Variants in FAM227B observed in about 807,000 individuals in gnomAD.
The protein encoded by FAM227B is protein FAM227B.
A neutral mutation model predicts 73.8 loss-of-function variants in FAM227B; 88 were observed. That is an observed-to-expected ratio of 1.19 (90% confidence interval 1.00 to 1.42). The LOEUF is 1.42. Ranked by LOEUF, FAM227B falls within the 40% of genes most tolerant of loss-of-function variation. The pLI, the probability that FAM227B is intolerant of heterozygous loss-of-function variation, is 0.00. For synonymous variants in FAM227B, 210 were observed against 190.5 expected, an observed-to-expected ratio of 1.10 and a Z score of -0.84; for missense variants, 632 against 590.9, an observed-to-expected ratio of 1.07 and a Z score of -0.72.
chr15:49,505,349 C>A (rs549091796), intron 11 of FAM227B, among the ~76,000 whole-genome samples: 2 of 152,110 alleles, frequency 1.3e-5, no homozygotes, highest in African/African-American at 4.8e-5. Context: ...TTTATACATA[C>A]GTCAAAACTC....
intron 11 of FAM227B, among the ~76,000 whole-genome samples, chr15:49,459,874 G>A (rs1019823494): frequency 6.6e-5 from 10 of 152,090 alleles, no homozygotes; most frequent in African/African-American, 2.4e-4. Flanking sequence ...CATAAAACTG[G>A]CCATGGTGGA....
intron 11 of FAM227B, among the ~76,000 whole-genome samples, chr15:49,373,855 A>T (rs1459151933): frequency 2.0e-5 from 3 of 152,186 alleles, no homozygotes; most frequent in Non-Finnish European, 4.4e-5. Context: ...CTATACAAAC[A>T]GAAAAAGTAT....
At chr15:49,374,840 G>A (rs1017305713) in intron 11 of FAM227B, among the ~76,000 whole-genome samples, 15 of 152,172 alleles carry the variant, frequency 9.9e-5, no homozygotes, top group Non-Finnish European at 1.5e-4. Flanking sequence ...CACCATGCCC[G>A]GCCTCATGAG....
chr15:49,457,606 T>C (rs1344640632), intron 11 of FAM227B, among the ~76,000 whole-genome samples: 1 of 151,942 alleles, frequency 6.6e-6, no homozygotes, highest in African/African-American at 2.4e-5. Context: ...AAAACTTGAG[T>C]ACAGACTTGA....
intron 3 of FAM227B, chr15:49,606,017 A>G (rs2077496967): frequency 6.6e-6 from 1 of 152,408 alleles, no homozygotes; most frequent in South Asian, 2.1e-4. Context: ...CCTTTCCCAC[A>G]TGAAAGGTAT....
At chr15:49,409,519 T>TTA (rs201999949) in intron 11 of FAM227B, among the ~76,000 whole-genome samples, 2,593 of 149,592 alleles carry the variant, frequency 0.017, 92 homozygotes, top group African/African-American at 0.061. Flanking sequence ...ATATATATAG[T>TTA]TATATATATG....
At chr15:49,389,662 ATTG>A (rs1349031087) in intron 11 of FAM227B, among the ~76,000 whole-genome samples, 1 of 152,000 alleles carries the variant, frequency 6.6e-6, no homozygotes, top group Non-Finnish European at 1.5e-5. Context: ...AGAAAAAAGT[ATTG>A]TTATTAATAT....
intron 11 of FAM227B, among the ~76,000 whole-genome samples, chr15:49,387,808 CAAT>C (rs1280641337): frequency 6.6e-6 from 1 of 151,460 alleles, no homozygotes; most frequent in Non-Finnish European, 1.5e-5. Context: ...CAATGTACAA[CAAT>C]ATCATTGTTG....
intron 10 of FAM227B, among the ~76,000 whole-genome samples, chr15:49,536,581 A>T (rs973736491): frequency 6.6e-6 from 1 of 152,010 alleles, no homozygotes; most frequent in Non-Finnish European, 1.5e-5. Flanking sequence ...TTTGTATAGA[A>T]CCACAAAAGA....
chr15:49,604,314 G>T (rs2077377995), intron 3 of FAM227B, among the ~76,000 whole-genome samples: 1 of 151,690 alleles, frequency 6.6e-6, no homozygotes, highest in African/African-American at 2.4e-5. Flanking sequence ...ATTTTTGAAG[G>T]AGAGCCTTGC....
intron 11 of FAM227B, among the ~76,000 whole-genome samples, chr15:49,397,829 A>G (rs532415786): frequency 3.9e-5 from 6 of 152,190 alleles, no homozygotes; most frequent in Non-Finnish European, 7.3e-5. Context: ...GCCTGCCCTA[A>G]AAGAGCTTCT....
rs563862655 is a variant in FAM227B at position 49,411,432 on chromosome 15, G to A, written c.1013-40033C>T. Reference sequence around the variant, plus strand: ...CTTTTTGAGAGAGAAAATGAACAATGATATTTTTGATACTTCTGAGTTTGC... The same window carrying A: ...CTTTTTGAGAGAGAAAATGAACAATAATATTTTTGATACTTCTGAGTTTGC... On this transcript the variant is annotated intron_variant, in intron 11 of 15. Coordinates refer to ENST00000299338, the MANE Select transcript of FAM227B (RefSeq NM_152647.3). Among the ~76,000 whole-genome samples, 9 of 152,016 alleles carry A rather than the reference G, an allele frequency of 5.9e-5. No individual in the cohort carries two copies. In the South Asian group the frequency reaches 1.0e-3, roughly 18 times the overall value.
chr15:49,375,352 G>A (rs1011854414), intron 11 of FAM227B, among the ~76,000 whole-genome samples: 4 of 152,056 alleles, frequency 2.6e-5, no homozygotes, highest in Non-Finnish European at 4.4e-5. Flanking sequence ...CAAGGAAAGT[G>A]CCATCTTATT....
At chr15:49,592,951 C>A (rs1412747787) in intron 3 of FAM227B, among the ~76,000 whole-genome samples, 1 of 152,196 alleles carries the variant, frequency 6.6e-6, no homozygotes, top group East Asian at 1.9e-4. Flanking sequence ...ACTGCTGCAC[C>A]AGCAGTGAGC....
At chr15:49,331,669 C>T (rs1305212859) in intron 15 of FAM227B, 111 bp downstream of exon 15, 1 of 689,488 alleles carries the variant, frequency 1.5e-6, no homozygotes, top group Non-Finnish European at 2.6e-6. Context: ...GTATCCTCTC[C>T]TGCCACTGTA....
intron 3 of FAM227B, among the ~76,000 whole-genome samples, chr15:49,593,395 A>AT (rs149649797): frequency 0.016 from 2,497 of 151,862 alleles, 51 homozygotes; most frequent in African/African-American, 0.054. Context: ...TATTTTAAAA[A>AT]TTTTTTTTGC....
chr15:49,613,120 A>G (rs532006045), intron 2 of FAM227B, among the ~76,000 whole-genome samples: 1 of 152,058 alleles, frequency 6.6e-6, no homozygotes, highest in South Asian at 2.1e-4. Context: ...GGAGGCCAAG[A>G]CAGGAGGACT....
intron 1 of FAM227B, among the ~76,000 whole-genome samples, chr15:49,618,085 G>T (rs1417036028): frequency 6.6e-6 from 1 of 151,954 alleles, no homozygotes; most frequent in African/African-American, 2.4e-5. Context: ...GGGTAATTTA[G>T]CCCATCTCCT....
At chr15:49,380,699 T>TTTAC (rs1463711396) in intron 11 of FAM227B, among the ~76,000 whole-genome samples, 1 of 151,862 alleles carries the variant, frequency 6.6e-6, no homozygotes, top group African/African-American at 2.4e-5. Context: ...AGTCCTTTAC[T>TTTAC]TTTTTTTCTA....
Sources: gnomAD v4.1 joint callset for allele counts (sites outside exome capture counted in the v4.1 genomes callset) on GRCh38, gnomAD v4.1.1 for gene constraint, MANE v1.5 for transcripts, NCBI Gene and HGNC (gene_info 2026-07-23, HGNC 2026-07-21) for gene names.